Variants in NELL1 observed in about 807,000 individuals in gnomAD.
NELL1 encodes neural EGFL like 1.
A neutral mutation model predicts 107.4 loss-of-function variants in NELL1; 76 were observed. The observed-to-expected ratio is 0.71, with a 90% CI of 0.59 to 0.86. NELL1 has a LOEUF of 0.86. NELL1 is among the 40% of genes least tolerant of loss of function. The pLI is 0.00. For missense variants in NELL1, 1,024 were observed against 1,005.5 expected, an observed-to-expected ratio of 1.02 and a Z score of -0.25; for synonymous variants, 353 against 341.2, an observed-to-expected ratio of 1.03 and a Z score of -0.38.
At chr11:21,069,507 A>G (rs1365723639) in intron 12 of NELL1, among the ~76,000 whole-genome samples, 1 of 152,084 alleles carries the variant, frequency 6.6e-6, no homozygotes, top group Non-Finnish European at 1.5e-5. Flanking sequence ...TGGAGGGAGG[A>G]GGAATGGAAG....
At chr11:20,991,990 GCA>G (rs1851985429) in intron 12 of NELL1, among the ~76,000 whole-genome samples, 6 of 66,224 alleles carry the variant, frequency 9.1e-5, no homozygotes, top group Non-Finnish European at 1.3e-4. Flanking sequence ...AGTGTAGCAT[GCA>G]AAAAAAAAAA....
At chr11:20,777,619 A>G (rs1263512845) in intron 2 of NELL1, among the ~76,000 whole-genome samples, 1 of 152,234 alleles carries the variant, frequency 6.6e-6, no homozygotes. Flanking sequence ...TTCAGAAATG[A>G]AAAGCCAACT....
At chr11:21,421,572 C>A (rs1384000334) in intron 15 of NELL1, among the ~76,000 whole-genome samples, 1 of 152,018 alleles carries the variant, frequency 6.6e-6, no homozygotes, top group Non-Finnish European at 1.5e-5. Flanking sequence ...TGTTGTAAGC[C>A]CTTCTCCACC....
At chr11:20,704,952 C>A (rs956497649) in intron 2 of NELL1, among the ~76,000 whole-genome samples, 1 of 152,122 alleles carries the variant, frequency 6.6e-6, no homozygotes, top group Non-Finnish European at 1.5e-5. Flanking sequence ...ATCCAATTTA[C>A]AAGGGATGTG....
At chr11:21,090,687 G>T (rs1487506033) in intron 12 of NELL1, among the ~76,000 whole-genome samples, 1 of 152,154 alleles carries the variant, frequency 6.6e-6, no homozygotes, top group African/African-American at 2.4e-5. Flanking sequence ...TTTTTATGTG[G>T]ATCTTAACAA....
Position 20,884,328 on chromosome 11 carries a change from C to A in NELL1, c.507-1116C>A, listed in dbSNP as rs539807695. 2.4e-4 allele frequency among the ~76,000 whole-genome samples: 36 copies of A among 152,340 alleles called. No homozygotes were observed. In the South Asian group the frequency reaches 7.0e-3, roughly 30 times the overall value. ...GCCCTCTGGCAGGAGGCAGTCAGCT[C>A]CATCACAGCAGGGAGGAGTGATGAG... On this transcript the variant is annotated intron_variant, in intron 4 of 19. Transcript: ENST00000357134.
At chr11:21,095,689 C>T (rs556963448) in intron 12 of NELL1, among the ~76,000 whole-genome samples, 2 of 152,046 alleles carry the variant, frequency 1.3e-5, no homozygotes, top group Non-Finnish European at 2.9e-5. Flanking sequence ...CAGCTCACTA[C>T]AGCCTCCACC....
intron 3 of NELL1, among the ~76,000 whole-genome samples, chr11:20,791,632 T>C (rs1347064598): frequency 2.6e-5 from 4 of 152,162 alleles, no homozygotes; most frequent in South Asian, 4.1e-4. Context: ...AGCAGATATC[T>C]TTGTATTGTT....
intron 13 of NELL1, among the ~76,000 whole-genome samples, chr11:21,228,298 ATC>A: frequency 6.6e-6 from 1 of 152,292 alleles, no homozygotes; most frequent in South Asian, 2.1e-4. Context: ...GAATCTTTTC[ATC>A]TGTTTTCTAG....
chr11:21,481,669 A>G (rs972610597), intron 15 of NELL1, among the ~76,000 whole-genome samples: 1 of 152,206 alleles, frequency 6.6e-6, no homozygotes, highest in Non-Finnish European at 1.5e-5. Context: ...TGATGGCTGG[A>G]CATTGTTGAG....
At position 21,383,205 on chromosome 11, in the gene NELL1, T is replaced by C. The variant is rs140190540; in HGVS notation, c.1645+12257T>C. Among the ~76,000 whole-genome samples the C allele has an allele frequency of 4.7e-3, 718 of 152,070 alleles. 24 individuals are homozygous for C. Among genetic ancestry groups the C allele is most frequent in the East Asian group, 0.045 (230 of 5,128 alleles). ...CACTTAGATACAAAGTATGATGAAT[T>C]GATTAATCAAACAGCAAGGTCTATG... is the stretch of plus-strand genomic sequence containing the variant. On this transcript the variant is annotated intron_variant, in intron 15 of 19. Transcript: ENST00000357134.
chr11:21,127,606 G>A (rs1195760468), intron 13 of NELL1, among the ~76,000 whole-genome samples: 1 of 130,040 alleles, frequency 7.7e-6, no homozygotes, highest in Non-Finnish European at 1.8e-5. Context: ...AGAGGAAGAA[G>A]AGGAAGAGGA....
At chr11:21,426,946 G>C (rs763057582) in intron 15 of NELL1, among the ~76,000 whole-genome samples, 4 of 152,106 alleles carry the variant, frequency 2.6e-5, no homozygotes, top group Non-Finnish European at 5.9e-5. Flanking sequence ...AGCACAGAAG[G>C]CTTCAGGAGT....
chr11:21,134,996 A>G (rs1461303126), intron 13 of NELL1, among the ~76,000 whole-genome samples: 4 of 152,240 alleles, frequency 2.6e-5, no homozygotes, highest in African/African-American at 7.2e-5. Context: ...AATGCCTAGC[A>G]TATAATAGGT....
Position 21,500,753 on chromosome 11 carries a change from A to C in NELL1, c.1646-33621A>C, listed in dbSNP as rs937900137. ...GATTGTATTTACAAACCCTTCGTAA[A>C]GTTTGTTTTACAATCTGTTTTCAGA... On this transcript the variant is annotated intron_variant, in intron 15 of 19. Coordinates refer to ENST00000357134, the MANE Select transcript of NELL1 (RefSeq NM_006157.5). Among the ~76,000 whole-genome samples the C allele has an allele frequency of 2.6e-5, 4 of 152,116 alleles. No homozygotes were observed. In the East Asian group the frequency reaches 5.8e-4, roughly 22 times the overall value.
intron 12 of NELL1, among the ~76,000 whole-genome samples, chr11:21,103,602 A>T (rs1040567756): frequency 4.6e-5 from 7 of 152,230 alleles, no homozygotes; most frequent in African/African-American, 1.7e-4. Flanking sequence ...AATGGTACCT[A>T]TTATTATATA....
intron 15 of NELL1, among the ~76,000 whole-genome samples, chr11:21,433,760 C>G (rs915620735): frequency 6.6e-6 from 1 of 152,106 alleles, no homozygotes; most frequent in Non-Finnish European, 1.5e-5. Flanking sequence ...ACCACAACCT[C>G]CACCTCCTAG....
At chr11:20,802,408 GTT>G (rs199782567) in intron 3 of NELL1, among the ~76,000 whole-genome samples, 1 of 145,112 alleles carries the variant, frequency 6.9e-6, no homozygotes, top group Admixed American at 6.9e-5. Flanking sequence ...CAGAAATGCT[GTT>G]TTTTTTTTTG....
chr11:21,144,116 T>C (rs1388204123), intron 13 of NELL1, among the ~76,000 whole-genome samples: 1 of 152,164 alleles, frequency 6.6e-6, no homozygotes, highest in Non-Finnish European at 1.5e-5. Context: ...GAGCATTAGT[T>C]TCTGGAGAGT....
Sources: gnomAD v4.1 joint callset for allele counts (sites outside exome capture counted in the v4.1 genomes callset) on GRCh38, gnomAD v4.1.1 for gene constraint, MANE v1.5 for transcripts, NCBI Gene and HGNC (gene_info 2026-07-23, HGNC 2026-07-21) for gene names.